The following TNR variants were observed in gnomAD, a reference collection of about 807,000 sequenced individuals.
TNR encodes tenascin R.
TNR carries 45 observed loss-of-function variants against 150.4 expected under a neutral mutation model. That is an observed-to-expected ratio of 0.30 (90% CI 0.24 to 0.38). TNR has a LOEUF of 0.38. Ranked by LOEUF, TNR falls within the 10% of genes least tolerant of loss-of-function variation. The pLI is 1.00. For missense variants in TNR, 1,544 were observed against 1,759.1 expected (o/e 0.88, Z 2.19); for synonymous variants, 687 against 678.4 (o/e 1.01, Z -0.20).
chr1:175,323,747 G>A (rs1649196940), intron 22 of TNR, among the ~76,000 whole-genome samples: 1 of 152,192 alleles, frequency 6.6e-6, no homozygotes. Context: ...TTCCAGGAGT[G>A]GCATGCACCA....
intron 2 of TNR, among the ~76,000 whole-genome samples, chr1:175,473,103 C>T (rs983182215): frequency 3.9e-5 from 6 of 152,162 alleles, no homozygotes; most frequent in African/African-American, 1.4e-4. Context: ...GCCCCACTTG[C>T]TCCTTTTGAA....
intron 9 of TNR, among the ~76,000 whole-genome samples, chr1:175,375,734 G>T (rs560861721): frequency 1.2e-4 from 19 of 152,234 alleles, no homozygotes; most frequent in African/African-American, 4.6e-4. Flanking sequence ...GAGAGTAAAG[G>T]GGGCCTGACC....
chr1:175,415,489 C>T (rs1654398401), intron 2 of TNR, among the ~76,000 whole-genome samples: 2 of 152,374 alleles, frequency 1.3e-5, no homozygotes, highest in African/African-American at 4.8e-5. Flanking sequence ...CTGCCTCCCA[C>T]TAGGCGCGGC....
rs1423628406 is a variant in TNR at position 175,442,467 on chromosome 1, C to T, written c.-63-35690G>A. ...GAAGCATTTATGTTCAATCCTAGGG[C>T]TCTGAAATTATATTGACTGGATTAT... On this transcript the variant is annotated intron_variant, in intron 2 of 22. Coordinates refer to ENST00000367674, the MANE Select transcript of TNR (RefSeq NM_003285.3). Among the ~76,000 whole-genome samples, 6 of 148,916 alleles carry T rather than the reference C, an allele frequency of 4.0e-5. No homozygotes were observed. The South Asian group carries it at 1.0e-3, about 26-fold the overall frequency.
At chr1:175,559,195 G>A (rs1409386249) in intron 1 of TNR, among the ~76,000 whole-genome samples, 3 of 152,184 alleles carry the variant, frequency 2.0e-5, no homozygotes, top group Non-Finnish European at 2.9e-5. Context: ...GGTTTCATTG[G>A]TAGTGATAGA....
At chr1:175,700,571 C>T (rs537270336) in intron 1 of TNR, among the ~76,000 whole-genome samples, 1 of 152,284 alleles carries the variant, frequency 6.6e-6, no homozygotes, top group African/African-American at 2.4e-5. Flanking sequence ...CCTTTGGAGA[C>T]GGTGCACCGT....
At chr1:175,512,620 T>C (rs1659234431) in intron 2 of TNR, among the ~76,000 whole-genome samples, 2 of 152,194 alleles carry the variant, frequency 1.3e-5, no homozygotes, top group Admixed American at 6.5e-5. Context: ...GAATGGAGAC[T>C]AAAAGAGTGC....
chr1:175,655,561 C>A lies in TNR; in HGVS notation c.-165+87665G>T, dbSNP rs181157817. On this transcript the variant is annotated intron_variant, in intron 1 of 22. Coordinates refer to ENST00000367674, the MANE Select transcript of TNR (RefSeq NM_003285.3). ...GGCTGCTCCTTAAAATAGAATGATG[C>A]TGATGAGTGCTGTGGGAGTCCTGGT... Among the ~76,000 whole-genome samples the A allele has an allele frequency of 7.5e-4, 115 of 152,334 alleles. 1 individual carries two copies. The highest frequency in any genetic ancestry group is 2.6e-3 in the African/African-American group (108 of 41,586).
At chr1:175,468,079 G>A (rs1212802987) in intron 2 of TNR, among the ~76,000 whole-genome samples, 1 of 152,216 alleles carries the variant, frequency 6.6e-6, no homozygotes, top group Non-Finnish European at 1.5e-5. Context: ...GAGATTTGCA[G>A]AGTAGCAGAA....
intron 2 of TNR, among the ~76,000 whole-genome samples, chr1:175,482,852 T>C (rs1657864288): frequency 6.6e-6 from 1 of 152,162 alleles, no homozygotes; most frequent in South Asian, 2.1e-4. Flanking sequence ...TCACCCTCCC[T>C]GGGCTTTGTC....
intron 1 of TNR, among the ~76,000 whole-genome samples, chr1:175,535,579 G>C (rs1455095021): frequency 6.6e-6 from 1 of 151,550 alleles, no homozygotes; most frequent in Non-Finnish European, 1.5e-5. Flanking sequence ...TCCTGCCTCA[G>C]CCTCCCAAGT....
intron 2 of TNR, among the ~76,000 whole-genome samples, chr1:175,471,694 A>G (rs1034547628): frequency 2.6e-5 from 4 of 152,220 alleles, no homozygotes; most frequent in African/African-American, 9.6e-5. Flanking sequence ...GGCCCAGGAC[A>G]TCACCATACA....
intron 8 of TNR, among the ~76,000 whole-genome samples, chr1:175,382,900 C>CAA (rs71129507): frequency 8.3e-4 from 86 of 103,700 alleles, no homozygotes; most frequent in Admixed American, 2.2e-3. Context: ...GACTCCATCT[C>CAA]AAAAAAAAAA....
intron 1 of TNR, among the ~76,000 whole-genome samples, chr1:175,724,780 G>A (rs1436832082): frequency 6.6e-6 from 1 of 152,202 alleles, no homozygotes; most frequent in African/African-American, 2.4e-5. Context: ...GGTCTGGGGA[G>A]CCAGGGATGG....
chr1:175,414,512 A>C (rs1456952017), intron 2 of TNR, among the ~76,000 whole-genome samples: 2 of 152,180 alleles, frequency 1.3e-5, no homozygotes, highest in Non-Finnish European at 2.9e-5. Context: ...TACTCAAGAG[A>C]TCCGTGCATT....
intron 1 of TNR, among the ~76,000 whole-genome samples, chr1:175,675,358 C>T (rs1006148579): frequency 5.3e-5 from 8 of 152,208 alleles, no homozygotes; most frequent in African/African-American, 1.4e-4. Flanking sequence ...CAGTGGGCCC[C>T]GTAACCCTTT....
chr1:175,677,086 C>T (rs187803578), intron 1 of TNR, among the ~76,000 whole-genome samples: 1 of 152,316 alleles, frequency 6.6e-6, no homozygotes. Context: ...TCTACTTCTC[C>T]CTTGCTGGGC....
intron 1 of TNR, among the ~76,000 whole-genome samples, chr1:175,557,208 T>C (rs1438210805): frequency 6.6e-6 from 1 of 152,140 alleles, no homozygotes; most frequent in Admixed American, 6.5e-5. Flanking sequence ...GAGACCACAG[T>C]CCTGGTCAAC....
chr1:175,688,478 G>A (rs1666265120), intron 1 of TNR, among the ~76,000 whole-genome samples: 1 of 152,220 alleles, frequency 6.6e-6, no homozygotes, highest in Non-Finnish European at 1.5e-5. Context: ...ATGAATGAAT[G>A]AACAAATGAG....
Sources: gnomAD v4.1 joint callset for allele counts (sites outside exome capture counted in the v4.1 genomes callset) on GRCh38, gnomAD v4.1.1 for gene constraint, MANE v1.5 for transcripts, NCBI Gene and HGNC (gene_info 2026-07-23, HGNC 2026-07-21) for gene names.